The following FAM184A variants were observed in gnomAD, a reference collection of about 807,000 sequenced individuals.
FAM184A encodes the protein family with sequence similarity 184 member A.
In FAM184A, 99 loss-of-function variants were observed where a neutral mutation model predicts 143.8. The ratio of observed to expected loss-of-function variants is 0.69; its 90% CI spans 0.58 to 0.81. FAM184A has a LOEUF of 0.81. Ranked by LOEUF, FAM184A falls within the 40% of genes least tolerant of loss-of-function variation. FAM184A has a pLI of 0.00. For missense variants in FAM184A, 1,217 were observed against 1,310.5 expected (o/e 0.93, Z 1.10); for synonymous variants, 427 against 446.4 (o/e 0.96, Z 0.55).
chr6:119,016,616 G>A, intron 5 of FAM184A, 131 bp downstream of exon 5: 2 of 721,246 alleles, frequency 2.8e-6, no homozygotes, highest in Non-Finnish European at 4.8e-6. Context: ...CTTAAGAGCT[G>A]TAACACTCAC....
chr6:119,071,860 CTTT>C (rs35786966), intron 1 of FAM184A, among the ~76,000 whole-genome samples: 4 of 94,168 alleles, frequency 4.2e-5, no homozygotes, highest in South Asian at 4.7e-4. Flanking sequence ...AACCTTTAAT[CTTT>C]TTTTTTTTTT....
At chr6:119,110,353 G>A (rs948403416) in intron 1 of FAM184A, among the ~76,000 whole-genome samples, 4 of 152,168 alleles carry the variant, frequency 2.6e-5, no homozygotes, top group African/African-American at 7.2e-5. Flanking sequence ...AAGGAAGAAC[G>A]GGAGGAGCCT....
In FAM184A at chr6:119,075,172, G is replaced by A. The variant is rs1787828020; in HGVS notation, c.159+2969C>T. On this transcript the variant is annotated intron_variant, in intron 1 of 17. Transcript: ENST00000338891. ...CATTCTACCACAATGCAGAATAAAT[G>A]TGAAACCTTTAAACTTTGATATTCG... is the stretch of plus-strand genomic sequence containing the variant. Among the ~76,000 whole-genome samples, 5 of 152,208 alleles carry A rather than the reference G, an allele frequency of 3.3e-5. 1 individual carries two copies. In the South Asian group the frequency reaches 1.0e-3, roughly 32 times the overall value.
intron 14 of FAM184A, among the ~76,000 whole-genome samples, chr6:118,969,981 G>GTATA (rs1438615155): frequency 3.9e-5 from 1 of 25,374 alleles, no homozygotes; most frequent in Admixed American, 4.8e-4. Flanking sequence ...TTGTTTGGGT[G>GTATA]TATATATATA....
At chr6:119,026,822 T>A (rs1785650138) in intron 1 of FAM184A, among the ~76,000 whole-genome samples, 1 of 152,198 alleles carries the variant, frequency 6.6e-6, no homozygotes, top group African/African-American at 2.4e-5. Context: ...TACCCTAAAA[T>A]TTTTTTGTTT....
At position 119,011,484 on chromosome 6, in the gene FAM184A, T is replaced by C. The variant is rs113253653; in HGVS notation, c.1531-53A>G. The C allele has an allele frequency of 2.6e-3, 2,848 of 1,097,330 alleles. 50 individuals carry two copies. In the African/African-American group the frequency reaches 0.04, roughly 15 times the overall value. 68.0% of individuals were successfully genotyped at this position (1,097,330 alleles called of 1,614,324 possible). On this transcript the variant is annotated intron_variant, in intron 5 of 17. Coordinates refer to ENST00000338891, the MANE Select transcript of FAM184A (RefSeq NM_024581.6). The stretch of plus-strand genomic sequence containing the variant: ...AACAAAATTGCAAGTATTATATACT[T>C]TGAAGACTCTAAGAAAAAGACTATT...
intron 1 of FAM184A, among the ~76,000 whole-genome samples, chr6:119,044,594 A>C (rs1786459970): frequency 6.6e-6 from 1 of 151,472 alleles, no homozygotes; most frequent in African/African-American, 2.4e-5. Context: ...CTTTAATTAA[A>C]AAAAAAAAAA....
rs1398924058 is a variant in FAM184A, at chr6:119,003,563, T to C, written c.1875A>G (p.Glu625=). The stretch of plus-strand genomic sequence containing the variant: ...CCATTTTGTCCACTTTGAGCTTCTC[T>C]TCTTCTTTCATGGCAGCAATTGTTT... ...HEETIAAMKE[E]EKLKVDKMAH... is the part of the protein sequence containing the mutation. The change falls in exon 8 of 18, where the codon GAA becomes GAG. Residue 625 remains glutamate, a synonymous_variant. Coordinates refer to ENST00000338891, the MANE Select transcript of FAM184A (RefSeq NM_024581.6). 1.2e-6 allele frequency: 2 copies of C among 1,613,016 alleles called. No individual in the cohort carries two copies. The highest frequency in any genetic ancestry group is 1.3e-5 in the African/African-American group (1 of 74,912).
chr6:119,095,922 G>A (rs1221614322), intron 1 of FAM184A, among the ~76,000 whole-genome samples: 7 of 152,114 alleles, frequency 4.6e-5, no homozygotes, highest in Admixed American at 2.6e-4. Context: ...TCCAATGGGC[G>A]CAATTAGTTG....
intron 1 of FAM184A, among the ~76,000 whole-genome samples, chr6:119,048,143 C>T (rs73529497): frequency 6.6e-6 from 1 of 152,168 alleles, no homozygotes; most frequent in African/African-American, 2.4e-5. Context: ...ATGATTGTCT[C>T]AATAGATGCA....
intron 9 of FAM184A, among the ~76,000 whole-genome samples, chr6:119,000,720 GCA>G (rs764355313): frequency 1.3e-5 from 2 of 151,964 alleles, no homozygotes; most frequent in Non-Finnish European, 2.9e-5. Flanking sequence ...ATGTGAAAAC[GCA>G]CATCCTCTGA....
In FAM184A at chr6:118,966,945, C is replaced by T. The variant is rs1484591099; in HGVS notation, c.2923G>A (p.Glu975Lys). The T allele has an allele frequency of 3.4e-6, 5 of 1,463,168 alleles. No individual in the cohort carries two copies. Among genetic ancestry groups the T allele is most frequent in the African/African-American group, 1.4e-5 (1 of 71,542 alleles). The allele number at this position is 1,463,168 out of a possible 1,614,324, so 90.6% of individuals were successfully genotyped here. A position where few individuals can be genotyped will look rare whatever the true frequency, so the allele number is the denominator to read the frequency against. ...INAALQVSLEEMEEKYLMRES... is the reference protein window; with the variant it reads ...INAALQVSLEKMEEKYLMRES... ...CTCATTAGATATTTTTCTTCCATTT[C>T]TTCTAATCTGAAAACAAGAAAGACT... The change falls in exon 15 of 18, where the codon GAA (glutamate) becomes AAA (lysine). Residue 975 changes from glutamate to lysine, a missense_variant. Transcript: ENST00000338891.
intron 1 of FAM184A, among the ~76,000 whole-genome samples, chr6:119,106,800 G>C (rs1788797992): frequency 6.6e-6 from 1 of 152,200 alleles, no homozygotes; most frequent in African/African-American, 2.4e-5. Context: ...AACTGTTTGG[G>C]AGGTAAGGTT....
Position 119,011,307 on chromosome 6 carries a change from G to A in FAM184A, c.1653+2C>T. On this transcript the variant is annotated splice_donor_variant, in intron 6 of 17. Coordinates refer to ENST00000338891, the MANE Select transcript of FAM184A (RefSeq NM_024581.6). LOFTEE classifies it low-confidence loss of function (GC_TO_GT_DONOR). ...TAGGCAACAGGTCTAAAGAATTCTTGCCTCTTGATTGGCTGTATTCAACTT... is the reference window on the plus strand; with the variant it reads ...TAGGCAACAGGTCTAAAGAATTCTTACCTCTTGATTGGCTGTATTCAACTT... The A allele has an allele frequency of 6.2e-7, 1 of 1,606,974 alleles. No individual in the cohort carries two copies. The highest frequency in any genetic ancestry group is 2.3e-5 in the East Asian group (1 of 44,418).
chr6:119,023,185 A>G (rs55693606), intron 2 of FAM184A, 105 bp from the exon 3 acceptor site: 21 of 1,183,416 alleles, frequency 1.8e-5, no homozygotes, highest in Non-Finnish European at 2.4e-5. Context: ...AAGTCATACT[A>G]AACTATATAC....
chr6:119,001,212 T>C (rs1010557792), intron 9 of FAM184A, among the ~76,000 whole-genome samples: 1 of 150,330 alleles, frequency 6.7e-6, no homozygotes, highest in Non-Finnish European at 1.5e-5. Flanking sequence ...CTTGTTTTCT[T>C]AATTTTCTTC....
At chr6:119,072,228 G>C (rs1025804603) in intron 1 of FAM184A, among the ~76,000 whole-genome samples, 7 of 151,614 alleles carry the variant, frequency 4.6e-5, no homozygotes, top group Non-Finnish European at 8.8e-5. Context: ...TTTGTGACCA[G>C]TTAATTAACA....
At chr6:119,076,582 T>C (rs1185451643) in intron 1 of FAM184A, among the ~76,000 whole-genome samples, 2 of 152,218 alleles carry the variant, frequency 1.3e-5, no homozygotes, top group Non-Finnish European at 2.9e-5. Context: ...GCAACAGCAT[T>C]TGTTAAACAG....
At chr6:119,051,969 G>A (rs1358585304) in intron 1 of FAM184A, among the ~76,000 whole-genome samples, 2 of 152,304 alleles carry the variant, frequency 1.3e-5, no homozygotes, top group East Asian at 3.9e-4. Flanking sequence ...TGGAGGCCCA[G>A]GTTCCCAGAC....
Sources: allele counts gnomAD v4.1 joint callset (sites outside exome capture counted in the v4.1 genomes callset), GRCh38; gene constraint gnomAD v4.1.1; transcripts MANE v1.5; gene names NCBI Gene and HGNC (gene_info 2026-07-23, HGNC 2026-07-21).